The following PTPRQ variants were observed in gnomAD, a reference collection of about 807,000 sequenced individuals.
The protein encoded by PTPRQ is protein tyrosine phosphatase receptor type Q, also known as phosphatidylinositol phosphatase PTPRQ.
PTPRQ carries 199 observed loss-of-function variants against 246.0 expected under a neutral mutation model. The observed-to-expected ratio is 0.81, with a 90% confidence interval of 0.72 to 0.91. The LOEUF is 0.91. Among genes scored for constraint, PTPRQ ranks in the 40% least tolerant of loss-of-function variants. PTPRQ has a pLI of 0.00. For synonymous variants in PTPRQ, 869 were observed against 853.2 expected (o/e 1.02, Z -0.32); for missense variants, 2,624 against 2,528.4 (o/e 1.04, Z -0.81).
intron 9 of PTPRQ, among the ~76,000 whole-genome samples, chr12:80,485,644 C>T (rs866030208): frequency 6.6e-6 from 1 of 152,120 alleles, no homozygotes; most frequent in African/African-American, 2.4e-5. Flanking sequence ...AAATTTTAAT[C>T]CTATGTTGAT....
rs746749223 is a variant in PTPRQ, at chr12:80,496,561, T to C, written c.2272+30T>C. 32 of 1,530,512 alleles carry C rather than the reference T, an allele frequency of 2.1e-5. No homozygotes were observed. The Admixed American group carries it at 5.3e-4, about 26-fold the overall frequency. 94.8% of individuals were successfully genotyped at this position (1,530,512 alleles called of 1,614,324 possible). A position where few individuals can be genotyped will look rare whatever the true frequency, so the allele number is the denominator to read the frequency against. ...GCTTTTGTTTTCTTTGTTTGTTTAA[T>C]AATACACAGTGATATAGTAAGCAAA... On this transcript the variant is annotated intron_variant, in intron 14 of 44. Transcript: ENST00000644991.
At chr12:80,600,219 A>G (rs148493013) in intron 26 of PTPRQ, among the ~76,000 whole-genome samples, 351 of 151,918 alleles carry the variant, frequency 2.3e-3, no homozygotes, top group Non-Finnish European at 4.6e-3. Flanking sequence ...ATAGGTGATT[A>G]TATGTGTTGT....
chr12:80,553,516 G>A (rs955474946), intron 25 of PTPRQ, among the ~76,000 whole-genome samples: 4 of 152,050 alleles, frequency 2.6e-5, no homozygotes, highest in African/African-American at 4.8e-5. Context: ...CACTGACTCC[G>A]TACTTATTTT....
chr12:80,493,179 T>A (rs538331242), intron 9 of PTPRQ, 96 bp from the exon 10 acceptor site: 678 of 1,283,606 alleles, frequency 5.3e-4, no homozygotes, highest in African/African-American at 3.9e-3. Flanking sequence ...TATAACAGCA[T>A]GATTCCAAAG....
rs924821985 is a variant in PTPRQ, at chr12:80,466,538, C to T, written c.911-2172C>T. Among the ~76,000 whole-genome samples the T allele has an allele frequency of 9.9e-5, 15 of 152,132 alleles. No individual in the cohort carries two copies. The East Asian group carries it at 1.2e-3, about 12-fold the overall frequency. ...GTTCATATGGAACCAAAAAGGAGCCCGCATTGCCAAGTCAATCCTAAGCCA... is the reference window on the plus strand; with the variant it reads ...GTTCATATGGAACCAAAAAGGAGCCTGCATTGCCAAGTCAATCCTAAGCCA... On this transcript the variant is annotated intron_variant, in intron 6 of 44. Transcript: ENST00000644991.
At chr12:80,542,483 C>T (rs1896185548) in intron 22 of PTPRQ, 119 bp downstream of exon 22, 1 of 1,371,480 alleles carries the variant, frequency 7.3e-7, no homozygotes, top group Admixed American at 3.3e-5. Flanking sequence ...ACAGCCTTAC[C>T]ATTATATTTA....
intron 35 of PTPRQ, among the ~76,000 whole-genome samples, chr12:80,643,381 T>C (rs1164097805): frequency 6.6e-6 from 1 of 150,850 alleles, no homozygotes; most frequent in Non-Finnish European, 1.5e-5. Context: ...GAGGTTGCAA[T>C]GAGCCGAGTT....
At chr12:80,623,391 T>C (rs1230225478) in intron 33 of PTPRQ, among the ~76,000 whole-genome samples, 1 of 152,188 alleles carries the variant, frequency 6.6e-6, no homozygotes, top group Non-Finnish European at 1.5e-5. Context: ...AAATCATTGG[T>C]TTGATTAATT....
chr12:80,465,822 C>T (rs1254405329), intron 6 of PTPRQ, among the ~76,000 whole-genome samples: 1 of 152,120 alleles, frequency 6.6e-6, no homozygotes, highest in South Asian at 2.1e-4. Context: ...ATGCTAAAAA[C>T]CCTCAATAAA....
intron 3 of PTPRQ, among the ~76,000 whole-genome samples, chr12:80,450,560 C>T (rs1010780508): frequency 1.3e-5 from 2 of 151,858 alleles, no homozygotes; most frequent in African/African-American, 4.9e-5. Context: ...CCATCAATAC[C>T]TAATTTATTG....
At chr12:80,667,239 T>G (rs1025167756) in intron 39 of PTPRQ, among the ~76,000 whole-genome samples, 5 of 151,810 alleles carry the variant, frequency 3.3e-5, no homozygotes, top group African/African-American at 9.7e-5. Flanking sequence ...ACAATTCTTT[T>G]CCCCCGAATC....
intron 25 of PTPRQ, among the ~76,000 whole-genome samples, chr12:80,572,921 T>A (rs1897184871): frequency 6.6e-6 from 1 of 152,200 alleles, no homozygotes; most frequent in African/African-American, 2.4e-5. Flanking sequence ...TGCTTAAGAT[T>A]GTTGTATTTT....
chr12:80,490,082 T>G (rs1281021443), intron 9 of PTPRQ, among the ~76,000 whole-genome samples: 1 of 151,958 alleles, frequency 6.6e-6, no homozygotes, highest in South Asian at 2.1e-4. Flanking sequence ...GATAGGTTTA[T>G]TTTATTCAGC....
chr12:80,484,982 A>T (rs896710753), intron 9 of PTPRQ, among the ~76,000 whole-genome samples: 3 of 152,142 alleles, frequency 2.0e-5, no homozygotes, highest in Non-Finnish European at 4.4e-5. Flanking sequence ...TGAAAGGCAC[A>T]GTAACTTTAG....
chr12:80,619,314 G>A, intron 30 of PTPRQ, 70 bp from the exon 31 acceptor site: 1 of 1,480,140 alleles, frequency 6.8e-7, no homozygotes, highest in Non-Finnish European at 9.0e-7. Context: ...TGCATGAAAG[G>A]AGAAAGATTT....
intron 17 of PTPRQ, among the ~76,000 whole-genome samples, chr12:80,517,209 A>G (rs1279396864): frequency 1.3e-5 from 2 of 149,984 alleles, no homozygotes; most frequent in Non-Finnish European, 3.0e-5. Flanking sequence ...TAAAACTTCA[A>G]TTTCCTTTGT....
At position 80,619,406 on chromosome 12, in the gene PTPRQ, ACCAAC is replaced by A; in HGVS notation, c.5256_5260del (p.Thr1753TyrfsTer3). On this transcript the variant is annotated frameshift_variant, in exon 31 of 45. Transcript: ENST00000644991. LOFTEE classifies it high-confidence loss of function. ...TAGCTCCAGCACGACCAAAAACCAA[ACCAAC>A]CCCTATTTATGATGCCACAGGAAAA... is the stretch of plus-strand genomic sequence containing the variant. The A allele has an allele frequency of 6.5e-7, 1 of 1,547,620 alleles. No individual in the cohort carries two copies. Among genetic ancestry groups the A allele is most frequent in the Non-Finnish European group, 8.7e-7 (1 of 1,144,488 alleles).
At chr12:80,656,809 A>T (rs927361073) in intron 38 of PTPRQ, among the ~76,000 whole-genome samples, 12 of 151,786 alleles carry the variant, frequency 7.9e-5, no homozygotes, top group Admixed American at 6.6e-4. Flanking sequence ...ATGTTAAAAA[A>T]TTGATACTAT....
In PTPRQ at chr12:80,632,275, A is replaced by G; in HGVS notation, c.5770A>G (p.Ile1924Val). 6.4e-7 allele frequency: 1 copy of G among 1,551,040 alleles called. No individual in the cohort carries two copies. The highest frequency in any genetic ancestry group is 8.7e-7 in the Non-Finnish European group (1 of 1,146,758). ...TTCAATAATTCTCCTTGGAACAGCT[A>G]TTTTTGCATTTGCAAGGTAAGATTT... ...ILSIILLGTA[I>V]FAFARIRQKQ... The change falls in exon 34 of 45, where the codon ATT (isoleucine) becomes GTT (valine). Residue 1924 changes from isoleucine (I) to valine (V), a missense_variant. Physicochemically the swap from Ile to Val is conservative, Grantham distance 29. Coordinates refer to ENST00000644991, the MANE Select transcript of PTPRQ (RefSeq NM_001145026.2).
Sources: allele counts gnomAD v4.1 joint callset (sites outside exome capture counted in the v4.1 genomes callset), GRCh38; gene constraint gnomAD v4.1.1; transcripts MANE v1.5; gene names NCBI Gene and HGNC (gene_info 2026-07-23, HGNC 2026-07-21).